NCKAP1: variants seen among roughly 807,000 people sequenced by gnomAD.
NCKAP1 encodes the protein NCK associated protein 1, also known as nck-associated protein 1.
NCKAP1 carries 21 observed loss-of-function variants against 151.2 expected under a neutral mutation model. The ratio of observed to expected loss-of-function variants is 0.14; its 90% CI spans 0.10 to 0.20. NCKAP1 has a LOEUF of 0.20. NCKAP1 is among the 10% of genes least tolerant of loss of function. The pLI is 1.00. For missense variants in NCKAP1, 933 were observed against 1,352.1 expected, an observed-to-expected ratio of 0.69 and a Z score of 4.86; for synonymous variants, 484 against 451.8, an observed-to-expected ratio of 1.07 and a Z score of -0.90.
intron 23 of NCKAP1, among the ~76,000 whole-genome samples, chr2:182,946,215 C>T (rs1462991530): frequency 2.6e-5 from 4 of 151,950 alleles, no homozygotes; most frequent in South Asian, 2.1e-4. Flanking sequence ...CTGGCTAACA[C>T]GGTGAAACCC....
At chr2:183,033,325 T>C (rs570006555) in intron 1 of NCKAP1, among the ~76,000 whole-genome samples, 3 of 152,352 alleles carry the variant, frequency 2.0e-5, no homozygotes, top group South Asian at 2.1e-4. Flanking sequence ...CAATCTGAAA[T>C]AGTAACTAGT....
Position 182,964,686 on chromosome 2 carries a change from C to T in NCKAP1, c.1751G>A (p.Cys584Tyr). 6.3e-7 allele frequency: 1 copy of T among 1,598,958 alleles called. No homozygotes were observed. The highest frequency in any genetic ancestry group is 8.5e-7 in the Non-Finnish European group (1 of 1,172,874). ...THFMSCTHEL[C>Y]PEERHHIGDR... is the part of the protein sequence containing the mutation. ...GTACACTATAATTACCTCTTCTGGACATAGTTCATGCGTGCAACTCATAAA... is the reference window on the plus strand; with the variant it reads ...GTACACTATAATTACCTCTTCTGGATATAGTTCATGCGTGCAACTCATAAA... Residue 584 changes from cysteine to tyrosine, a missense_variant, in exon 17 of 31, where the codon TGT (cysteine) becomes TAT (tyrosine). Cys to Tyr is a radical substitution (Grantham distance 194). Transcript: ENST00000361354.
chr2:182,933,581 T>TG (rs879792424), intron 26 of NCKAP1, among the ~76,000 whole-genome samples: 1 of 151,782 alleles, frequency 6.6e-6, no homozygotes, highest in Non-Finnish European at 1.5e-5. Flanking sequence ...TTAGTAGAGA[T>TG]GGGGTTTCTT....
intron 2 of NCKAP1, among the ~76,000 whole-genome samples, chr2:183,017,181 G>T (rs1199156639): frequency 1.3e-5 from 2 of 152,186 alleles, no homozygotes; most frequent in Admixed American, 1.3e-4. Flanking sequence ...CCAGGGACCA[G>T]TTTCATGGAA....
chr2:182,917,458 G>A lies in NCKAP1; in HGVS notation c.*8244C>T, dbSNP rs1275616102. ...AAATTACCTAACTCTTGAATAGGTTGAACCAGATAATCTCTAAGGCTCTTC... is the reference window on the plus strand; with the variant it reads ...AAATTACCTAACTCTTGAATAGGTTAAACCAGATAATCTCTAAGGCTCTTC... On this transcript the variant is annotated 3_prime_UTR_variant, in exon 31 of 31. Coordinates refer to ENST00000361354, the MANE Select transcript of NCKAP1 (RefSeq NM_013436.5). 1 of 152,214 alleles carries A rather than the reference G, an allele frequency of 6.6e-6. No individual in the cohort carries two copies. Among genetic ancestry groups the A allele is most frequent in the Non-Finnish European group, 1.5e-5 (1 of 68,034 alleles). The allele number at this position is 152,214 out of a possible 1,614,324, so 9.4% of individuals were successfully genotyped here.
chr2:183,026,875 T>C (rs139433231), intron 1 of NCKAP1, among the ~76,000 whole-genome samples: 1,809 of 152,298 alleles, frequency 0.012, 40 homozygotes, highest in African/African-American at 0.041. Flanking sequence ...ATAATAGCTA[T>C]AATGATGATA....
intron 2 of NCKAP1, among the ~76,000 whole-genome samples, chr2:183,014,213 TTAAA>T (rs1011577630): frequency 2.6e-5 from 4 of 152,076 alleles, no homozygotes; most frequent in African/African-American, 9.7e-5. Flanking sequence ...AATAAAGGAT[TTAAA>T]TAAATAAATG....
intron 30 of NCKAP1, among the ~76,000 whole-genome samples, chr2:182,926,155 C>T (rs6730114): frequency 1.3e-5 from 2 of 151,648 alleles, no homozygotes; most frequent in Non-Finnish European, 2.9e-5. Flanking sequence ...TCAACTCTAC[C>T]TGGCAATCAA....
chr2:182,969,987 T>C (rs1264692543), intron 15 of NCKAP1, among the ~76,000 whole-genome samples: 1 of 152,064 alleles, frequency 6.6e-6, no homozygotes, highest in African/African-American at 2.4e-5. Flanking sequence ...TTAGAGATTA[T>C]GAGCAACTAT....
intron 20 of NCKAP1, 75 bp from the exon 21 acceptor site, chr2:182,953,406 T>A (rs1295232724): frequency 2.2e-6 from 2 of 910,330 alleles, no homozygotes; most frequent in Non-Finnish European, 3.3e-6. Flanking sequence ...CTCAACCTAC[T>A]GTTATCTAAT....
rs777740851 is a variant in NCKAP1 at position 182,953,105 on chromosome 2, T to G, written c.2372+8A>C. On this transcript the variant is annotated splice_region_variant and intron_variant, in intron 21 of 30. Coordinates refer to ENST00000361354, the MANE Select transcript of NCKAP1 (RefSeq NM_013436.5). ...CCGCTACTACAAATTTCTAAATGCATTCCTTACCAATTTGTGTATAGACTT... is the reference window on the plus strand; with the variant it reads ...CCGCTACTACAAATTTCTAAATGCAGTCCTTACCAATTTGTGTATAGACTT... The G allele has an allele frequency of 6.3e-7, 1 of 1,592,550 alleles. No homozygotes were observed. The highest frequency in any genetic ancestry group is 1.1e-5 in the South Asian group (1 of 86,984).
chr2:182,982,123 G>A (rs1200298675), intron 12 of NCKAP1, among the ~76,000 whole-genome samples: 3 of 151,626 alleles, frequency 2.0e-5, no homozygotes, highest in Non-Finnish European at 4.4e-5. Context: ...TCTAAAAACA[G>A]GATTTTTATT....
intron 6 of NCKAP1, among the ~76,000 whole-genome samples, chr2:183,000,376 CA>C (rs1316170570): frequency 6.6e-6 from 1 of 151,990 alleles, no homozygotes; most frequent in African/African-American, 2.4e-5. Context: ...AAGAGCCTGT[CA>C]AGGAAATTTT....
intron 23 of NCKAP1, among the ~76,000 whole-genome samples, chr2:182,945,242 AAAAAC>A (rs1329196894): frequency 1.2e-4 from 2 of 16,348 alleles, no homozygotes; most frequent in Non-Finnish European, 4.7e-4. Flanking sequence ...TCAAAAAATA[AAAAAC>A]AAAAAAAAAG....
rs1372291266 is a variant in NCKAP1 at position 182,910,978 on chromosome 2, C to T, written c.*14724G>A. ...CCCCCCACATTTGACTAAACAGACC[C>T]TCTCCTGGCCAAGAGGACTTCAGGG... On this transcript the variant is annotated 3_prime_UTR_variant, in exon 31 of 31. Transcript: ENST00000361354. 7.7e-6 allele frequency: 1 copy of T among 129,718 alleles called. No homozygotes were observed. The highest frequency in any genetic ancestry group is 1.6e-5 in the Non-Finnish European group (1 of 62,168). The allele number at this position is 129,718 out of a possible 1,614,324, so 8.0% of individuals were successfully genotyped here. A position where few individuals can be genotyped will look rare whatever the true frequency, so the allele number is the denominator to read the frequency against.
rs531002273 is a variant in NCKAP1, at chr2:182,933,039, T to C, written c.2859+1713A>G. Reference sequence around the variant, plus strand: ...AAATATAAGTAGAAAAATAGAATTATAATACAAGGCAGATTATATTCAACT... The same window carrying C: ...AAATATAAGTAGAAAAATAGAATTACAATACAAGGCAGATTATATTCAACT... On this transcript the variant is annotated intron_variant, in intron 26 of 30. Coordinates refer to ENST00000361354, the MANE Select transcript of NCKAP1 (RefSeq NM_013436.5). Among the ~76,000 whole-genome samples the C allele has an allele frequency of 4.1e-4, 62 of 152,316 alleles. 1 individual carries two copies. The highest frequency in any genetic ancestry group is 1.5e-3 in the African/African-American group (61 of 41,574).
At chr2:182,941,136 T>A (rs1696986619) in intron 24 of NCKAP1, among the ~76,000 whole-genome samples, 1 of 152,002 alleles carries the variant, frequency 6.6e-6, no homozygotes. Context: ...GATTTCATTT[T>A]TTTTTTTTAG....
chr2:182,996,145 GCCCAC>G (rs1698263909), intron 6 of NCKAP1, among the ~76,000 whole-genome samples: 1 of 152,192 alleles, frequency 6.6e-6, no homozygotes, highest in Admixed American at 6.5e-5. Flanking sequence ...GGGATAGACA[GCCCAC>G]TGTCACCTTT....
chr2:182,931,158 T>C (rs960616053), intron 26 of NCKAP1, among the ~76,000 whole-genome samples: 1 of 152,264 alleles, frequency 6.6e-6, no homozygotes, highest in East Asian at 1.9e-4. Context: ...ATCTCCATAG[T>C]GGTTTAATGA....
Sources: gnomAD v4.1 joint callset for allele counts (sites outside exome capture counted in the v4.1 genomes callset) on GRCh38, gnomAD v4.1.1 for gene constraint, MANE v1.5 for transcripts, NCBI Gene and HGNC (gene_info 2026-07-23, HGNC 2026-07-21) for gene names.